The following OTOGL variants were observed in gnomAD, a reference collection of about 807,000 sequenced individuals.
The protein encoded by OTOGL is otogelin like, also known as otogelin-like protein.
OTOGL carries 285 observed loss-of-function variants against 318.5 expected under a neutral mutation model. The observed-to-expected ratio is 0.89, with a 90% confidence interval of 0.81 to 0.99. OTOGL has a LOEUF of 0.99. Ranked by LOEUF, OTOGL falls within the 50% of genes least tolerant of loss-of-function variation. OTOGL has a pLI of 0.00. For missense variants in OTOGL, 2,899 were observed against 2,845.6 expected (o/e 1.02, Z -0.43); for synonymous variants, 987 against 936.5 (o/e 1.05, Z -0.99).
intron 23 of OTOGL, 87 bp from the exon 24 acceptor site, chr12:80,271,561 A>C: frequency 1.6e-6 from 2 of 1,284,898 alleles, no homozygotes; most frequent in Non-Finnish European, 2.1e-6. Flanking sequence ...TAGGTTTAGA[A>C]TAAACCTATT....
chr12:80,336,311 C>G, intron 39 of OTOGL, 102 bp from the exon 40 acceptor site: 1 of 1,353,480 alleles, frequency 7.4e-7, no homozygotes, highest in East Asian at 2.5e-5. Flanking sequence ...TGCTTCTTGT[C>G]AGACATAATA....
chr12:80,255,795 A>C (rs1178076833), intron 16 of OTOGL, among the ~76,000 whole-genome samples: 1 of 151,916 alleles, frequency 6.6e-6, no homozygotes. Flanking sequence ...TTAATTTTTT[A>C]GTTCTATTCT....
intron 1 of OTOGL, among the ~76,000 whole-genome samples, chr12:80,206,381 A>G (rs1376737815): frequency 1.3e-5 from 2 of 152,174 alleles, no homozygotes; most frequent in African/African-American, 2.4e-5. Flanking sequence ...GCCATTGTTC[A>G]TTCTCCTTTT....
intron 11 of OTOGL, among the ~76,000 whole-genome samples, chr12:80,243,946 A>T (rs1198524333): frequency 1.3e-5 from 2 of 149,886 alleles, no homozygotes; most frequent in Admixed American, 6.7e-5. Context: ...CATTTCCTTT[A>T]GTCTAAAGGC....
rs185392132 is a variant in OTOGL at position 80,287,120 on chromosome 12, G to T, written c.2928+7954G>T. 2.7e-3 allele frequency among the ~76,000 whole-genome samples: 405 copies of T among 151,408 alleles called. 4 individuals are homozygous for T. The highest frequency in any genetic ancestry group is 4.3e-3 in the Non-Finnish European group (295 of 68,010). ...TGTCTTTGTTCTCACTGGTTTCAAAGAACTTATTTATTTCTGTCTTAATTT... is the reference window on the plus strand; with the variant it reads ...TGTCTTTGTTCTCACTGGTTTCAAATAACTTATTTATTTCTGTCTTAATTT... On this transcript the variant is annotated intron_variant, in intron 26 of 58. Coordinates refer to ENST00000547103, the MANE Select transcript of OTOGL (RefSeq NM_001378609.3).
chr12:80,182,513 T>G (rs1191980102), intron 1 of OTOGL, among the ~76,000 whole-genome samples: 1 of 152,168 alleles, frequency 6.6e-6, no homozygotes, highest in Non-Finnish European at 1.5e-5. Context: ...AAAAAAATAA[T>G]TGTAATGCAG....
intron 44 of OTOGL, among the ~76,000 whole-genome samples, chr12:80,350,851 G>T (rs1359419742): frequency 2.6e-5 from 4 of 152,096 alleles, no homozygotes; most frequent in Non-Finnish European, 5.9e-5. Flanking sequence ...GCATTCTATA[G>T]GTCGTCTCTT....
At chr12:80,181,887 G>T (rs1321532885) in intron 1 of OTOGL, among the ~76,000 whole-genome samples, 1 of 152,150 alleles carries the variant, frequency 6.6e-6, no homozygotes, top group Non-Finnish European at 1.5e-5. Flanking sequence ...ACATAGGCTG[G>T]GCATGGTGGC....
intron 7 of OTOGL, among the ~76,000 whole-genome samples, chr12:80,227,347 A>T (rs34042223): frequency 1.6e-3 from 243 of 152,324 alleles, no homozygotes; most frequent in Middle Eastern, 3.4e-3. Flanking sequence ...TTCTCTCAGA[A>T]GATATCAACT....
intron 1 of OTOGL, among the ~76,000 whole-genome samples, chr12:80,159,893 A>T (rs546512672): frequency 1.3e-5 from 2 of 152,220 alleles, no homozygotes; most frequent in South Asian, 2.1e-4. Context: ...TACTTGTATA[A>T]AAATAGGCAC....
chr12:80,284,599 T>G (rs1472960751), intron 26 of OTOGL, among the ~76,000 whole-genome samples: 1 of 152,220 alleles, frequency 6.6e-6, no homozygotes, highest in Non-Finnish European at 1.5e-5. Flanking sequence ...TATCTCATTG[T>G]GGTTTTGATT....
intron 56 of OTOGL, 50 bp from the exon 57 acceptor site, chr12:80,371,969 C>A: frequency 8.1e-7 from 1 of 1,241,978 alleles, no homozygotes; most frequent in Non-Finnish European, 1.1e-6. Context: ...TACAAGAGAA[C>A]ATGGAAGAAC....
chr12:80,272,518 C>T (rs1237712353), intron 24 of OTOGL, among the ~76,000 whole-genome samples: 1 of 152,066 alleles, frequency 6.6e-6, no homozygotes, highest in East Asian at 1.9e-4. Flanking sequence ...TATTGGCTTC[C>T]TCACAGGCAC....
chr12:80,323,538 A>G (rs1001258677), intron 34 of OTOGL, among the ~76,000 whole-genome samples, 185 bp from the exon 35 acceptor site: 1 of 152,152 alleles, frequency 6.6e-6, no homozygotes, highest in Non-Finnish European at 1.5e-5. Flanking sequence ...AGTATCACCT[A>G]CTTGGGAGGC....
intron 1 of OTOGL, among the ~76,000 whole-genome samples, chr12:80,166,695 C>T (rs557551501): frequency 6.6e-6 from 1 of 152,136 alleles, no homozygotes; most frequent in Non-Finnish European, 1.5e-5. Flanking sequence ...ATTCCAAATT[C>T]CATATATCTC....
At chr12:80,158,998 G>A (rs978016117) in intron 1 of OTOGL, among the ~76,000 whole-genome samples, 1 of 151,932 alleles carries the variant, frequency 6.6e-6, no homozygotes, top group African/African-American at 2.4e-5. Context: ...TTACATTGAG[G>A]TATGTCTCTT....
At chr12:80,334,435 G>C (rs749455188) in intron 38 of OTOGL, among the ~76,000 whole-genome samples, 4 of 152,032 alleles carry the variant, frequency 2.6e-5, no homozygotes, top group Non-Finnish European at 5.9e-5. Context: ...TATAGATTTG[G>C]CAGACATACA....
At chr12:80,337,368 C>T (rs960901673) in intron 42 of OTOGL, among the ~76,000 whole-genome samples, 1 of 151,680 alleles carries the variant, frequency 6.6e-6, no homozygotes. Flanking sequence ...AGCATAGTAG[C>T]CAAGAACACC....
At chr12:80,211,916 TTGAC>T (rs1877287875) in intron 3 of OTOGL, 29 bp from the exon 4 acceptor site, 1 of 1,533,374 alleles carries the variant, frequency 6.5e-7, no homozygotes, top group Non-Finnish European at 8.8e-7. Context: ...CTAGGGGCCT[TTGAC>T]TGTACAAGTT....
Sources: gnomAD v4.1 joint callset for allele counts (sites outside exome capture counted in the v4.1 genomes callset) on GRCh38, gnomAD v4.1.1 for gene constraint, MANE v1.5 for transcripts, NCBI Gene and HGNC (gene_info 2026-07-23, HGNC 2026-07-21) for gene names.